CSMD1: variants seen among roughly 807,000 people sequenced by gnomAD.
The protein encoded by CSMD1 is CUB and Sushi multiple domains 1.
In CSMD1, 213 loss-of-function variants were observed where a neutral mutation model predicts 417.5. The ratio of observed to expected loss-of-function variants is 0.51; its 90% CI spans 0.46 to 0.57. The LOEUF is 0.57. Ranked by LOEUF, CSMD1 falls within the 20% of genes least tolerant of loss-of-function variation. The pLI is 0.00. For synonymous variants in CSMD1, 2,862 were observed against 1,736.8 expected, an observed-to-expected ratio of 1.65 and a Z score of -16.11; for missense variants, 6,923 against 4,529.7, an observed-to-expected ratio of 1.53 and a Z score of -15.17.
At chr8:2,996,312 T>C (rs928671053) in intron 54 of CSMD1, among the ~76,000 whole-genome samples, 5 of 152,216 alleles carry the variant, frequency 3.3e-5, no homozygotes, top group African/African-American at 1.2e-4. Context: ...TTAACATATT[T>C]GAGCTGAAAT....
chr8:4,233,276 G>A (rs910094950), intron 3 of CSMD1, among the ~76,000 whole-genome samples: 1 of 152,126 alleles, frequency 6.6e-6, no homozygotes, highest in African/African-American at 2.4e-5. Context: ...GTATGCAGAA[G>A]TGCCCACTCT....
chr8:4,430,723 C>T (rs1013081850), intron 2 of CSMD1, among the ~76,000 whole-genome samples: 3 of 151,950 alleles, frequency 2.0e-5, no homozygotes, highest in Middle Eastern at 3.2e-3. Flanking sequence ...AGAGATTTTG[C>T]CCCCAAGCAT....
At chr8:4,763,815 A>G (rs746652597) in intron 1 of CSMD1, among the ~76,000 whole-genome samples, 2 of 152,214 alleles carry the variant, frequency 1.3e-5, no homozygotes, top group Non-Finnish European at 2.9e-5. Flanking sequence ...TAAAATTATT[A>G]AAGGATCATG....
At chr8:4,214,724 C>G (rs780710507) in intron 3 of CSMD1, among the ~76,000 whole-genome samples, 2 of 152,118 alleles carry the variant, frequency 1.3e-5, no homozygotes, top group African/African-American at 4.8e-5. Context: ...GAGTTCATCA[C>G]AGAGAACTAC....
At chr8:3,722,017 G>A (rs1802206642) in intron 6 of CSMD1, among the ~76,000 whole-genome samples, 1 of 152,128 alleles carries the variant, frequency 6.6e-6, no homozygotes, top group African/African-American at 2.4e-5. Flanking sequence ...GGTGGAGTTG[G>A]CACAGGTTGT....
intron 1 of CSMD1, among the ~76,000 whole-genome samples, chr8:4,853,006 G>C (rs1366985894): frequency 6.6e-6 from 1 of 152,196 alleles, no homozygotes; most frequent in African/African-American, 2.4e-5. Context: ...CTCAGATGCA[G>C]GCACATTAAA....
chr8:4,344,950 G>T (rs1233017162), intron 3 of CSMD1, among the ~76,000 whole-genome samples: 1 of 152,114 alleles, frequency 6.6e-6, no homozygotes, highest in Admixed American at 6.6e-5. Context: ...GTTCCAATGT[G>T]CAAAGATTAA....
In CSMD1 at chr8:4,140,098, G is replaced by C. The variant is rs78144906; in HGVS notation, c.416-107999C>G. Among the ~76,000 whole-genome samples, 6 of 150,546 alleles carry C rather than the reference G, an allele frequency of 4.0e-5. 1 individual carries two copies. The highest frequency in any genetic ancestry group is 1.5e-4 in the African/African-American group (6 of 40,182). ...CCAGGTACAGTTACTCATGCCTATA[G>C]TCCTAACACTTTTGGAGGTGAAGGC... On this transcript the variant is annotated intron_variant, in intron 3 of 69. Coordinates refer to ENST00000635120, the MANE Select transcript of CSMD1 (RefSeq NM_033225.6).
chr8:4,242,743 G>A (rs185617779), intron 3 of CSMD1, among the ~76,000 whole-genome samples: 25 of 152,262 alleles, frequency 1.6e-4, no homozygotes, highest in African/African-American at 5.3e-4. Flanking sequence ...CTCCTGCAGG[G>A]CACAATCTGA....
At chr8:3,495,396 T>G (rs557649314) in intron 10 of CSMD1, among the ~76,000 whole-genome samples, 1 of 151,712 alleles carries the variant, frequency 6.6e-6, no homozygotes, top group South Asian at 2.1e-4. Flanking sequence ...TTGGCTGATT[T>G]GCAATGTGTA....
Position 4,978,985 on chromosome 8 carries a change from T to C in CSMD1, c.85+15347A>G, listed in dbSNP as rs569783148. On this transcript the variant is annotated intron_variant, in intron 1 of 69. Transcript: ENST00000635120. ...TTAGAAAAAATAACTCTGGAGAAAG[T>C]AGTAGCAAACCTTAAAAATCTACTT... Among the ~76,000 whole-genome samples, 68 of 152,236 alleles carry C rather than the reference T, an allele frequency of 4.5e-4. No individual in the cohort carries two copies. The South Asian group carries it at 7.5e-3, about 17-fold the overall frequency.
intron 4 of CSMD1, among the ~76,000 whole-genome samples, chr8:4,025,150 G>A (rs762504901): frequency 6.6e-6 from 1 of 152,228 alleles, no homozygotes; most frequent in Non-Finnish European, 1.5e-5. Flanking sequence ...AATTTTCCAT[G>A]GATGTGAGCT....
At chr8:3,602,002 G>T (rs888026306) in intron 8 of CSMD1, among the ~76,000 whole-genome samples, 1 of 152,084 alleles carries the variant, frequency 6.6e-6, no homozygotes, top group African/African-American at 2.4e-5. Flanking sequence ...GGGGAGGATG[G>T]GAAGTTATGG....
chr8:3,225,145 A>C (rs1798424135), intron 27 of CSMD1, among the ~76,000 whole-genome samples: 1 of 152,200 alleles, frequency 6.6e-6, no homozygotes, highest in Non-Finnish European at 1.5e-5. Context: ...AACATGCTTC[A>C]CAATTTTCAA....
chr8:4,291,413 A>C (rs1585170191), intron 3 of CSMD1, among the ~76,000 whole-genome samples: 1 of 152,262 alleles, frequency 6.6e-6, no homozygotes, highest in East Asian at 1.9e-4. Flanking sequence ...CCATAATTAA[A>C]ATACAACCTC....
intron 5 of CSMD1, among the ~76,000 whole-genome samples, chr8:3,767,187 G>A (rs1439285215): frequency 6.6e-6 from 1 of 152,206 alleles, no homozygotes; most frequent in South Asian, 2.1e-4. Flanking sequence ...CGCTGCCATC[G>A]TAGAAAGCAA....
chr8:3,702,654 A>G (rs1226878791), intron 7 of CSMD1, among the ~76,000 whole-genome samples: 2 of 152,222 alleles, frequency 1.3e-5, no homozygotes, highest in Admixed American at 1.3e-4. Context: ...AACATGGTGA[A>G]ACCCCATATC....
intron 11 of CSMD1, among the ~76,000 whole-genome samples, chr8:3,476,853 G>C (rs988198917): frequency 1.3e-5 from 2 of 149,266 alleles, no homozygotes; most frequent in Non-Finnish European, 3.0e-5. Flanking sequence ...GGGAAGCAGA[G>C]GTCGCAGTGA....
intron 1 of CSMD1, among the ~76,000 whole-genome samples, chr8:4,778,440 C>A (rs1426760067): frequency 2.0e-5 from 3 of 152,104 alleles, no homozygotes; most frequent in Non-Finnish European, 4.4e-5. Flanking sequence ...AGTACCTGGA[C>A]TTTTTCCAGG....
Sources: gnomAD v4.1 joint callset for allele counts (sites outside exome capture counted in the v4.1 genomes callset) on GRCh38, gnomAD v4.1.1 for gene constraint, MANE v1.5 for transcripts, NCBI Gene and HGNC (gene_info 2026-07-23, HGNC 2026-07-21) for gene names.